DPYD: variants seen among roughly 807,000 people sequenced by gnomAD.
DPYD encodes dihydropyrimidine dehydrogenase.
A neutral mutation model predicts 116.2 loss-of-function variants in DPYD; 109 were observed. The observed-to-expected ratio is 0.94, with a 90% CI of 0.80 to 1.10. The LOEUF (loss-of-function observed/expected upper bound fraction) is 1.10, where lower values mean the gene tolerates loss of function less well. Ranked by LOEUF, DPYD falls within the 50% of genes least tolerant of loss-of-function variation. The probability of loss-of-function intolerance (pLI) is 0.00; values close to 1 mark genes in which losing one functional copy is unlikely to be tolerated. For synonymous variants in DPYD, 440 were observed against 432.0 expected (o/e 1.02, Z -0.23); for missense variants, 1,302 against 1,254.5 (o/e 1.04, Z -0.57).
intron 2 of DPYD, among the ~76,000 whole-genome samples, chr1:97,860,341 T>C (rs2101590283): frequency 6.6e-6 from 1 of 152,292 alleles, no homozygotes; most frequent in South Asian, 2.1e-4. Flanking sequence ...AAACATATCT[T>C]ACTTACTACG....
intron 13 of DPYD, among the ~76,000 whole-genome samples, chr1:97,513,437 T>C (rs1252438117): frequency 1.3e-5 from 2 of 151,726 alleles, no homozygotes; most frequent in Non-Finnish European, 2.9e-5. Flanking sequence ...ATATGCAAGC[T>C]TGGCAAATTG....
At chr1:97,625,713 C>A (rs1656888580) in intron 8 of DPYD, among the ~76,000 whole-genome samples, 1 of 151,894 alleles carries the variant, frequency 6.6e-6, no homozygotes, top group African/African-American at 2.4e-5. Flanking sequence ...CAAGGAGAGA[C>A]ACCTCAGAGG....
At chr1:97,871,995 T>G (rs1024800544) in intron 2 of DPYD, among the ~76,000 whole-genome samples, 1 of 151,852 alleles carries the variant, frequency 6.6e-6, no homozygotes, top group African/African-American at 2.4e-5. Flanking sequence ...TTCTCTTAAT[T>G]TAGAGATGAG....
Position 97,200,819 on chromosome 1 carries a change from T to C in DPYD, c.2443-7571A>G, listed in dbSNP as rs189284142. On this transcript the variant is annotated intron_variant, in intron 19 of 22. Transcript: ENST00000370192. Reference sequence around the variant, plus strand: ...TGATCTGTGCATGGTACACAGCTAGTTGGAGGCAGTGCTGGCAGACCCGCC... The same window carrying C: ...TGATCTGTGCATGGTACACAGCTAGCTGGAGGCAGTGCTGGCAGACCCGCC... 8.9e-4 allele frequency among the ~76,000 whole-genome samples: 135 copies of C among 152,246 alleles called. 1 individual carries two copies. The highest frequency in any genetic ancestry group is 3.4e-3 in the Middle Eastern group (1 of 294).
chr1:97,846,024 C>T (rs1670283553), intron 2 of DPYD, among the ~76,000 whole-genome samples: 1 of 152,220 alleles, frequency 6.6e-6, no homozygotes, highest in Non-Finnish European at 1.5e-5. Flanking sequence ...CCTCTTGCCA[C>T]TCTGCAACTG....
At chr1:97,408,397 C>T (rs911392234) in intron 14 of DPYD, among the ~76,000 whole-genome samples, 5 of 152,000 alleles carry the variant, frequency 3.3e-5, no homozygotes, top group African/African-American at 1.2e-4. Flanking sequence ...ATTTTATTTC[C>T]TTTTTTCCTT....
intron 20 of DPYD, among the ~76,000 whole-genome samples, chr1:97,122,270 G>C (rs1276618911): frequency 6.6e-6 from 1 of 152,116 alleles, no homozygotes; most frequent in African/African-American, 2.4e-5. Context: ...TGGGTAACCA[G>C]GAATAGCTCT....
rs1222199622 is a variant in DPYD, at chr1:97,796,628, A to T, written c.233+31486T>A. ...GGGAGAGAGTCTGAATCAACAAAAGAGGAAAATATAGGAAGGAAAGGGAAA... is the reference window on the plus strand; with the variant it reads ...GGGAGAGAGTCTGAATCAACAAAAGTGGAAAATATAGGAAGGAAAGGGAAA... On this transcript the variant is annotated intron_variant, in intron 3 of 22. Transcript: ENST00000370192. Among the ~76,000 whole-genome samples, 3 of 152,150 alleles carry T rather than the reference A, an allele frequency of 2.0e-5. No homozygotes were observed. In the East Asian group the frequency reaches 5.8e-4, roughly 29 times the overall value.
At chr1:97,450,342 G>A (rs1676344262) in intron 13 of DPYD, 119 bp from the exon 14 acceptor site, 1 of 1,048,828 alleles carries the variant, frequency 9.5e-7, no homozygotes, top group African/African-American at 1.6e-5. Context: ...TTTTGCAGAG[G>A]AATTTTTAAT....
At chr1:97,080,789 T>A (rs1388177313) in intron 22 of DPYD, among the ~76,000 whole-genome samples, 3 of 152,290 alleles carry the variant, frequency 2.0e-5, no homozygotes, top group Non-Finnish European at 4.4e-5. Flanking sequence ...CTTTCTATTT[T>A]TATCTTCTGA....
At chr1:97,586,465 CATATATATATATAT>C (rs57301424) in intron 10 of DPYD, among the ~76,000 whole-genome samples, 1,362 of 34,274 alleles carry the variant, frequency 0.04, 28 homozygotes, top group Middle Eastern at 0.056. Context: ...TACATACATA[CATATATATATATAT>C]ATATATATAT....
chr1:97,798,400 G>C (rs1417505925), intron 3 of DPYD, among the ~76,000 whole-genome samples: 1 of 151,954 alleles, frequency 6.6e-6, no homozygotes, highest in Non-Finnish European at 1.5e-5. Flanking sequence ...CAAGCAAATA[G>C]TGAAATAGTT....
intron 20 of DPYD, among the ~76,000 whole-genome samples, chr1:97,183,196 C>T (rs1657763549): frequency 6.6e-6 from 1 of 151,950 alleles, no homozygotes; most frequent in South Asian, 2.1e-4. Flanking sequence ...TTCAATTTTG[C>T]TGTGAATCTA....
At chr1:97,216,204 T>G (rs1460838816) in intron 19 of DPYD, among the ~76,000 whole-genome samples, 4 of 152,172 alleles carry the variant, frequency 2.6e-5, no homozygotes, top group African/African-American at 9.7e-5. Flanking sequence ...CAAAAGCCTT[T>G]TAGAAATCTA....
intron 20 of DPYD, among the ~76,000 whole-genome samples, chr1:97,138,372 G>A (rs1413831360): frequency 1.3e-5 from 2 of 152,150 alleles, no homozygotes; most frequent in Non-Finnish European, 2.9e-5. Flanking sequence ...CATTCTGAAA[G>A]CTACCATATG....
chr1:97,526,487 G>A (rs1429087851), intron 12 of DPYD, among the ~76,000 whole-genome samples: 1 of 152,048 alleles, frequency 6.6e-6, no homozygotes, highest in African/African-American at 2.4e-5. Context: ...ATCCCTTGGA[G>A]GGGGACTCAA....
intron 20 of DPYD, among the ~76,000 whole-genome samples, chr1:97,159,935 T>G (rs1413527643): frequency 6.6e-6 from 1 of 151,990 alleles, no homozygotes; most frequent in Non-Finnish European, 1.5e-5. Flanking sequence ...CCTTGTCTTC[T>G]TCTCTCCCTC....
chr1:97,566,284 G>A (rs988233018), intron 11 of DPYD, among the ~76,000 whole-genome samples: 3 of 152,082 alleles, frequency 2.0e-5, no homozygotes, highest in South Asian at 2.1e-4. Context: ...TCCCTGAAAC[G>A]TATCTTTAAA....
chr1:97,727,648 A>T (rs995591621), intron 4 of DPYD, among the ~76,000 whole-genome samples: 1 of 151,806 alleles, frequency 6.6e-6, no homozygotes, highest in Non-Finnish European at 1.5e-5. Flanking sequence ...AATATTAAGC[A>T]ATGATTCACA....
Sources: gnomAD v4.1 joint callset for allele counts (sites outside exome capture counted in the v4.1 genomes callset) on GRCh38, gnomAD v4.1.1 for gene constraint, MANE v1.5 for transcripts, NCBI Gene and HGNC (gene_info 2026-07-23, HGNC 2026-07-21) for gene names.